Variants in PKP4 observed in about 807,000 individuals in gnomAD.
PKP4 encodes the protein plakophilin 4.
Under a neutral mutation model 145.1 loss-of-function variants are expected in PKP4, and 90 were observed. The ratio of observed to expected loss-of-function variants is 0.62; its 90% confidence interval spans 0.52 to 0.74. The LOEUF is 0.74. Ranked by LOEUF, PKP4 falls within the 30% of genes least tolerant of loss-of-function variation. The pLI is 0.00. For missense variants in PKP4, 1,340 were observed against 1,482.7 expected (o/e 0.90, Z 1.58); for synonymous variants, 563 against 577.2 (o/e 0.98, Z 0.35).
chr2:158,557,675 T>C (rs926553251), intron 2 of PKP4, among the ~76,000 whole-genome samples: 1 of 152,244 alleles, frequency 6.6e-6, no homozygotes, highest in Non-Finnish European at 1.5e-5. Flanking sequence ...TTGTTTTTAT[T>C]GTAATGCTTT....
intron 1 of PKP4, among the ~76,000 whole-genome samples, chr2:158,484,724 G>A (rs1237163273): frequency 5.9e-5 from 9 of 152,124 alleles, no homozygotes; most frequent in Non-Finnish European, 8.8e-5. Flanking sequence ...GATTATCTTC[G>A]CTTATAAATG....
At chr2:158,664,994 A>C (rs1319318607) in intron 15 of PKP4, among the ~76,000 whole-genome samples, 1 of 152,258 alleles carries the variant, frequency 6.6e-6, no homozygotes, top group African/African-American at 2.4e-5. Context: ...TTAGAAGTTC[A>C]TGTCTGGGAT....
At chr2:158,477,959 A>G (rs1692752337) in intron 1 of PKP4, among the ~76,000 whole-genome samples, 1 of 152,248 alleles carries the variant, frequency 6.6e-6, no homozygotes, top group African/African-American at 2.4e-5. Flanking sequence ...TGTTTCATAT[A>G]TATAACTGAT....
At chr2:158,670,239 A>C (rs2106004284) in intron 17 of PKP4, among the ~76,000 whole-genome samples, 1 of 152,280 alleles carries the variant, frequency 6.6e-6, no homozygotes, top group Non-Finnish European at 1.5e-5. Context: ...TATTTCTCAC[A>C]GTTCTAGAGG....
chr2:158,494,148 C>T (rs189696581), intron 1 of PKP4, among the ~76,000 whole-genome samples: 256 of 152,180 alleles, frequency 1.7e-3, no homozygotes, highest in East Asian at 2.3e-3. Context: ...ACTGCTTATT[C>T]GACTTCAACT....
chr2:158,590,321 G>T (rs2049152815), intron 3 of PKP4, among the ~76,000 whole-genome samples: 1 of 110,658 alleles, frequency 9.0e-6, no homozygotes, highest in Admixed American at 8.4e-5. Context: ...GAGTGTGTGT[G>T]TGTGTGTGTG....
At chr2:158,667,338 C>T (rs953896151) in intron 16 of PKP4, among the ~76,000 whole-genome samples, 6 of 152,098 alleles carry the variant, frequency 3.9e-5, no homozygotes, top group African/African-American at 1.4e-4. Flanking sequence ...GTTCAGGCTC[C>T]GTAATTCTAT....
chr2:158,549,646 A>G (rs1178002370), intron 2 of PKP4, among the ~76,000 whole-genome samples: 1 of 152,102 alleles, frequency 6.6e-6, no homozygotes, highest in East Asian at 1.9e-4. Context: ...TTTAATAAGC[A>G]GAGGGAGGAG....
Position 158,673,956 on chromosome 2 carries a change from C to T in PKP4, c.3083C>T (p.Ser1028Phe), listed in dbSNP as rs976284573. 15 of 1,612,546 alleles carry T rather than the reference C, an allele frequency of 9.3e-6. No individual in the cohort carries two copies. The highest frequency in any genetic ancestry group is 1.0e-5 in the Non-Finnish European group (12 of 1,178,514). Reference protein sequence around the residue: ...LERDRFKSHPSLSTTNQQMSP... With the variant: ...LERDRFKSHPFLSTTNQQMSP... ...CGAGACCGATTCAAATCACATCCTTCCTTGTCTACCACCAACCAACAGATG... is the reference window on the plus strand; with the variant it reads ...CGAGACCGATTCAAATCACATCCTTTCTTGTCTACCACCAACCAACAGATG... Residue 1028 changes from serine to phenylalanine, a missense_variant, in exon 19 of 22, where the codon TCC (serine) becomes TTC (phenylalanine). By Grantham distance (155) the Ser-to-Phe change is radical (BLOSUM62 -2). Coordinates refer to ENST00000389759, the MANE Select transcript of PKP4 (RefSeq NM_003628.6).
intron 3 of PKP4, among the ~76,000 whole-genome samples, chr2:158,581,929 A>G (rs1374081486): frequency 1.3e-5 from 2 of 152,170 alleles, no homozygotes; most frequent in East Asian, 1.9e-4. Flanking sequence ...TGACTTTTCC[A>G]TTGGTTTTAT....
intron 2 of PKP4, among the ~76,000 whole-genome samples, chr2:158,537,982 A>T (rs535443646): frequency 1.3e-5 from 2 of 152,140 alleles, no homozygotes; most frequent in Non-Finnish European, 2.9e-5. Flanking sequence ...ATGCCACTGC[A>T]CTCCAGCCTG....
intron 1 of PKP4, among the ~76,000 whole-genome samples, chr2:158,487,121 G>C (rs893590098): frequency 1.8e-4 from 28 of 152,116 alleles, no homozygotes; most frequent in African/African-American, 6.8e-4. Flanking sequence ...CCAGAGAATG[G>C]AGTTTGTCAC....
chr2:158,577,534 A>G, intron 3 of PKP4, 151 bp downstream of exon 3: 1 of 606,180 alleles, frequency 1.6e-6, no homozygotes, highest in Non-Finnish European at 3.0e-6. Flanking sequence ...TCTAATTTTG[A>G]GAAGCCTCTT....
At chr2:158,490,522 G>A (rs1694791656) in intron 1 of PKP4, among the ~76,000 whole-genome samples, 1 of 152,324 alleles carries the variant, frequency 6.6e-6, no homozygotes, top group Admixed American at 6.5e-5. Flanking sequence ...CTGTTGAGTT[G>A]TAAATGGTAA....
intron 1 of PKP4, among the ~76,000 whole-genome samples, chr2:158,532,924 T>C (rs2043702050): frequency 6.6e-6 from 1 of 152,256 alleles, no homozygotes; most frequent in Non-Finnish European, 1.5e-5. Context: ...TTAACATTTG[T>C]AGATGTCTTT....
chr2:158,469,068 C>T (rs1691143830), intron 1 of PKP4, among the ~76,000 whole-genome samples: 1 of 151,680 alleles, frequency 6.6e-6, no homozygotes, highest in Non-Finnish European at 1.5e-5. Flanking sequence ...CATGAACCAC[C>T]ATACCTAGCC....
chr2:158,496,127 C>T (rs968215162), intron 1 of PKP4, among the ~76,000 whole-genome samples: 2 of 149,692 alleles, frequency 1.3e-5, no homozygotes, highest in African/African-American at 2.5e-5. Flanking sequence ...ACTACAGGCA[C>T]GTGCCACCAC....
intron 9 of PKP4, among the ~76,000 whole-genome samples, chr2:158,634,706 C>T (rs1226629097): frequency 6.6e-6 from 1 of 152,158 alleles, no homozygotes; most frequent in African/African-American, 2.4e-5. Flanking sequence ...GAGAAAGACC[C>T]GTGTTACATG....
intron 2 of PKP4, among the ~76,000 whole-genome samples, chr2:158,569,541 C>A (rs1479403690): frequency 6.6e-6 from 1 of 152,140 alleles, no homozygotes; most frequent in Admixed American, 6.6e-5. Flanking sequence ...TGTAAGTATT[C>A]AGTCTTGACA....
Sources: allele counts gnomAD v4.1 joint callset (sites outside exome capture counted in the v4.1 genomes callset), GRCh38; gene constraint gnomAD v4.1.1; transcripts MANE v1.5; gene names NCBI Gene and HGNC (gene_info 2026-07-23, HGNC 2026-07-21).